The following SPIRE1 variants were observed in gnomAD, a reference collection of about 807,000 sequenced individuals.
The protein encoded by SPIRE1 is spire type actin nucleation factor 1.
A neutral mutation model predicts 94.1 loss-of-function variants in SPIRE1; 40 were observed. The observed-to-expected ratio is 0.43, with a 90% CI of 0.33 to 0.55. The LOEUF is 0.55. Ranked by LOEUF, SPIRE1 falls within the 20% of genes least tolerant of loss-of-function variation. The pLI is 0.06. For synonymous variants in SPIRE1, 376 were observed against 371.7 expected (o/e 1.01, Z -0.13); for missense variants, 838 against 975.2 (o/e 0.86, Z 1.87).
At chr18:12,472,968 T>C (rs1244048503) in intron 10 of SPIRE1, among the ~76,000 whole-genome samples, 3 of 152,168 alleles carry the variant, frequency 2.0e-5, no homozygotes, top group Non-Finnish European at 4.4e-5. Flanking sequence ...ATTTTTTTTG[T>C]ATTTTTAGTA....
intron 2 of SPIRE1, among the ~76,000 whole-genome samples, chr18:12,627,919 ATTTG>A (rs149278078): frequency 0.39 from 58,303 of 151,120 alleles, 11,774 homozygotes; most frequent in East Asian, 0.59. Flanking sequence ...TTTCTTGTAA[ATTTG>A]TTTGAGTTCT....
intron 2 of SPIRE1, among the ~76,000 whole-genome samples, chr18:12,574,533 G>A (rs926417799): frequency 2.6e-5 from 4 of 152,212 alleles, no homozygotes; most frequent in African/African-American, 9.6e-5. Flanking sequence ...TGGAAAACTG[G>A]AGGAAAAAGA....
chr18:12,607,519 C>T (rs1046292846), intron 2 of SPIRE1, among the ~76,000 whole-genome samples: 22 of 151,656 alleles, frequency 1.5e-4, no homozygotes, highest in African/African-American at 5.3e-4. Context: ...ATGGAAGAGA[C>T]AGTTACACAG....
chr18:12,453,724 G>T (rs1262884388), intron 13 of SPIRE1, among the ~76,000 whole-genome samples: 3 of 151,812 alleles, frequency 2.0e-5, no homozygotes, highest in Non-Finnish European at 4.4e-5. Context: ...GTGAGCCACT[G>T]CACCCGGCCT....
Position 12,449,183 on chromosome 18 carries a change from C to G in SPIRE1, c.*455G>C, listed in dbSNP as rs1350484650. 1 of 160,984 alleles carries G rather than the reference C, an allele frequency of 6.2e-6. No individual in the cohort carries two copies. Among genetic ancestry groups the G allele is most frequent in the East Asian group, 1.8e-4 (1 of 5,466 alleles). The allele number at this position is 160,984 out of a possible 1,614,324, so 10.0% of individuals were successfully genotyped here. A position where few individuals can be genotyped will look rare whatever the true frequency, so the allele number is the denominator to read the frequency against. On this transcript the variant is annotated 3_prime_UTR_variant, in exon 17 of 17. Coordinates refer to ENST00000409402, the MANE Select transcript of SPIRE1 (RefSeq NM_001128626.2). ...AGCCCCCAGGTCGTGGAGTGTAGGGCTCTGGATCTCTCTGTACACGGGATA... is the reference window on the plus strand; with the variant it reads ...AGCCCCCAGGTCGTGGAGTGTAGGGGTCTGGATCTCTCTGTACACGGGATA...
intron 3 of SPIRE1, among the ~76,000 whole-genome samples, chr18:12,545,717 G>A (rs1208656319): frequency 2.0e-5 from 3 of 152,044 alleles, no homozygotes; most frequent in Admixed American, 2.0e-4. Flanking sequence ...CCACTAAGTA[G>A]GTCAAGAAAA....
rs1332179508 is a variant in SPIRE1, at chr18:12,448,146, TAAGTAA to T, written c.*1486_*1491del. The T allele has an allele frequency of 1.3e-5, 2 of 152,786 alleles. No homozygotes were observed. The highest frequency in any genetic ancestry group is 2.9e-5 in the Non-Finnish European group (2 of 68,030). The allele number at this position is 152,786 out of a possible 1,614,324, so 9.5% of individuals were successfully genotyped here. A position where few individuals can be genotyped will look rare whatever the true frequency, so the allele number is the denominator to read the frequency against. ...ACTGGTAAAGTTTATTTCATAAGTA[TAAGTAA>T]TTTTAAGCCTTTTACTAAACTGTAA... is the stretch of plus-strand genomic sequence containing the variant. On this transcript the variant is annotated 3_prime_UTR_variant, in exon 17 of 17. Transcript: ENST00000409402. The surrounding 1 kb of genome is among the most constrained non-coding windows in gnomAD (Gnocchi z 4.4).
chr18:12,587,558 C>G (rs1390465629), intron 2 of SPIRE1, among the ~76,000 whole-genome samples: 1 of 152,288 alleles, frequency 6.6e-6, no homozygotes, highest in South Asian at 2.1e-4. Context: ...GCTGATTCAT[C>G]AAGGTGCCCA....
chr18:12,568,374 C>T lies in SPIRE1; in HGVS notation c.373-21470G>A, dbSNP rs150285570. ...CTTACTCTTTCCTTTATATGCTCTA[C>T]ACTTTCTCATCTCTATGCCACTGTT... On this transcript the variant is annotated intron_variant, in intron 2 of 16. Transcript: ENST00000409402. 4.0e-3 allele frequency among the ~76,000 whole-genome samples: 605 copies of T among 152,278 alleles called. 8 individuals carry two copies. The highest frequency in any genetic ancestry group is 0.012 in the African/African-American group (513 of 41,538).
chr18:12,451,114 T>C, intron 16 of SPIRE1: 1 of 341,938 alleles, frequency 2.9e-6, no homozygotes, highest in South Asian at 3.7e-5. Context: ...TTAACCACCC[T>C]TCTAGAATTC....
intron 1 of SPIRE1, among the ~76,000 whole-genome samples, chr18:12,647,985 G>A (rs574838212): frequency 2.6e-5 from 4 of 152,146 alleles, no homozygotes; most frequent in Admixed American, 6.6e-5. Context: ...GAACCCAGGA[G>A]CCAAGCCTAA....
intron 3 of SPIRE1, among the ~76,000 whole-genome samples, chr18:12,542,166 A>G (rs994828508): frequency 1.3e-5 from 2 of 151,848 alleles, no homozygotes; most frequent in Admixed American, 1.3e-4. Context: ...TTTAGTAGAG[A>G]CGGGGTTTCA....
intron 2 of SPIRE1, among the ~76,000 whole-genome samples, chr18:12,618,463 A>T (rs2037374415): frequency 6.6e-6 from 1 of 152,170 alleles, no homozygotes; most frequent in Non-Finnish European, 1.5e-5. Context: ...TATCTCATGA[A>T]CTTTCTGTTG....
intron 2 of SPIRE1, among the ~76,000 whole-genome samples, chr18:12,604,461 T>C (rs1357225721): frequency 6.6e-6 from 1 of 152,156 alleles, no homozygotes; most frequent in Non-Finnish European, 1.5e-5. Flanking sequence ...AAAACTGTTT[T>C]TTTCCAGAGG....
At chr18:12,469,722 A>AAATATAATTATATATTATATAT (rs1020872771) in intron 10 of SPIRE1, among the ~76,000 whole-genome samples, 3 of 144,270 alleles carry the variant, frequency 2.1e-5, no homozygotes, top group Non-Finnish European at 3.0e-5. Flanking sequence ...ATATTTATAT[A>AAATATAATTATATATTATATAT]AATATAATTA....
At chr18:12,479,607 G>T in intron 10 of SPIRE1, 92 bp downstream of exon 10, 1 of 1,212,154 alleles carries the variant, frequency 8.2e-7, no homozygotes, top group South Asian at 1.8e-5. Context: ...AAGAGATTAA[G>T]CAACAACTGA....
At chr18:12,504,847 A>C (rs1295453601) in intron 6 of SPIRE1, among the ~76,000 whole-genome samples, 1 of 152,178 alleles carries the variant, frequency 6.6e-6, no homozygotes, top group Non-Finnish European at 1.5e-5. Flanking sequence ...AAAGAGGCAA[A>C]TTATGTGGCT....
chr18:12,580,933 A>G (rs920365172), intron 2 of SPIRE1, among the ~76,000 whole-genome samples: 1 of 151,920 alleles, frequency 6.6e-6, no homozygotes, highest in African/African-American at 2.4e-5. Context: ...AATACTGGAG[A>G]TATTTTCTGA....
chr18:12,497,122 G>A (rs2033486798), intron 6 of SPIRE1, among the ~76,000 whole-genome samples: 1 of 151,708 alleles, frequency 6.6e-6, no homozygotes, highest in Admixed American at 6.6e-5. Flanking sequence ...CAAAAACCTA[G>A]GTAATAGAAA....
Sources: allele counts gnomAD v4.1 joint callset (sites outside exome capture counted in the v4.1 genomes callset), GRCh38; gene constraint gnomAD v4.1.1; non-coding constraint Gnocchi (gnomAD v3.1); transcripts MANE v1.5; gene names NCBI Gene and HGNC (gene_info 2026-07-23, HGNC 2026-07-21).